Variants in ARHGAP26 observed in about 807,000 individuals in gnomAD.
The protein encoded by ARHGAP26 is rho GTPase-activating protein 26.
A neutral mutation model predicts 104.8 loss-of-function variants in ARHGAP26; 38 were observed. The observed-to-expected ratio is 0.36, with a 90% CI of 0.28 to 0.48. The LOEUF (loss-of-function observed/expected upper bound fraction) is 0.48. ARHGAP26 is among the 20% of genes least tolerant of loss of function. The pLI is 0.99. For missense variants in ARHGAP26, 704 were observed against 947.9 expected (o/e 0.74, Z 3.38); for synonymous variants, 341 against 340.0 (o/e 1.00, Z -0.03).
intron 10 of ARHGAP26, among the ~76,000 whole-genome samples, chr5:142,925,683 T>A (rs757941125): frequency 1.3e-5 from 2 of 152,202 alleles, no homozygotes; most frequent in Non-Finnish European, 2.9e-5. Context: ...CCATTCCTTA[T>A]CATTCCCCTT....
At chr5:143,014,287 A>G (rs944121847) in intron 12 of ARHGAP26, 171 bp downstream of exon 12, 1 of 670,516 alleles carries the variant, frequency 1.5e-6, no homozygotes, top group Non-Finnish European at 2.6e-6. Context: ...GTGACTCCAG[A>G]GGGACGGTAA....
chr5:143,002,906 A>G (rs1408455654), intron 11 of ARHGAP26, among the ~76,000 whole-genome samples: 1 of 152,196 alleles, frequency 6.6e-6, no homozygotes, highest in Non-Finnish European at 1.5e-5. Context: ...TACCCAAAAT[A>G]CAGTAGTTCC....
At chr5:143,140,668 G>A (rs551533843) in intron 19 of ARHGAP26, among the ~76,000 whole-genome samples, 27 of 152,014 alleles carry the variant, frequency 1.8e-4, no homozygotes, top group African/African-American at 5.3e-4. Context: ...GATTCCCCCC[G>A]GCCCCTGAGA....
intron 1 of ARHGAP26, among the ~76,000 whole-genome samples, chr5:142,858,612 T>G (rs1461704749): frequency 6.6e-6 from 1 of 152,200 alleles, no homozygotes; most frequent in Non-Finnish European, 1.5e-5. Context: ...TTTAGAAACA[T>G]TATTGGGGGC....
In ARHGAP26 at chr5:143,056,084, C is replaced by G. The variant is rs1562340713; in HGVS notation, c.1430C>G (p.Ala477Gly). ...TTTCAAAGAAGTTTCATCAAAGCAG[C>G]AAGTAAGTCTTTTTTGTCTCAGTTT... Reference protein sequence around the residue: ...YQFQRSFIKAAKLENQESRVS... With the variant: ...YQFQRSFIKAGKLENQESRVS... Residue 477 changes from alanine (A) to glycine (G), a missense_variant and splice_region_variant, in exon 16 of 23, where the codon GCA (alanine) becomes GGA (glycine). Transcript: ENST00000645722. The G allele has an allele frequency of 6.2e-7, 1 of 1,612,468 alleles. No individual in the cohort carries two copies. The highest frequency in any genetic ancestry group is 8.5e-7 in the Non-Finnish European group (1 of 1,178,920).
intron 20 of ARHGAP26, among the ~76,000 whole-genome samples, chr5:143,155,465 C>T (rs1471805763): frequency 1.3e-5 from 2 of 152,196 alleles, no homozygotes; most frequent in Non-Finnish European, 2.9e-5. Context: ...GAAATTCCTG[C>T]CTTCATCCAA....
chr5:142,947,415 C>T (rs1034445842), intron 11 of ARHGAP26, among the ~76,000 whole-genome samples: 1 of 152,182 alleles, frequency 6.6e-6, no homozygotes, highest in African/African-American at 2.4e-5. Context: ...TGAATGTCAT[C>T]TTTCTCCTAC....
At chr5:142,918,811 T>G (rs557106385) in intron 10 of ARHGAP26, among the ~76,000 whole-genome samples, 1 of 152,196 alleles carries the variant, frequency 6.6e-6, no homozygotes, top group Non-Finnish European at 1.5e-5. Context: ...TAGTAGAAAT[T>G]CTTTGTATTT....
chr5:143,087,633 A>ATTTTT (rs1292744774), intron 17 of ARHGAP26, among the ~76,000 whole-genome samples: 103 of 19,188 alleles, frequency 5.4e-3, no homozygotes, highest in Non-Finnish European at 0.011. Context: ...ACCCTGGCCC[A>ATTTTT]TTCTTTTTTT....
intron 11 of ARHGAP26, chr5:142,946,942 G>T (rs1054718615): frequency 6.6e-6 from 1 of 152,064 alleles, no homozygotes; most frequent in African/African-American, 2.4e-5. Flanking sequence ...TAGTGCAAAC[G>T]TGCGGTCTAG....
At chr5:142,816,946 C>T (rs143175748) in intron 1 of ARHGAP26, among the ~76,000 whole-genome samples, 1 of 152,044 alleles carries the variant, frequency 6.6e-6, no homozygotes, top group African/African-American at 2.4e-5. Flanking sequence ...AGAGGGCTTA[C>T]GGAGAAACCT....
chr5:142,953,175 G>A (rs780371257), intron 11 of ARHGAP26, among the ~76,000 whole-genome samples: 10 of 152,068 alleles, frequency 6.6e-5, no homozygotes, highest in East Asian at 1.9e-4. Context: ...TCCCACTACC[G>A]CTCTCATTCT....
In ARHGAP26 at chr5:142,770,807, C is replaced by A; in HGVS notation, c.46C>A (p.Pro16Thr). ...LEFSDCCLDS[P>T]HFRETLKSHE... ...GTTCAGCGACTGCTGCCTCGATAGT[C>A]CGCACTTCCGAGAGACGCTCAAGTC... is the stretch of plus-strand genomic sequence containing the variant. Residue 16 changes from proline (P) to threonine (T), a missense_variant, in exon 1 of 23, where the codon CCG (proline) becomes ACG (threonine). By Grantham distance (38) the Pro-to-Thr change is conservative. Around this residue, in one of 6 missense-constraint regions of ARHGAP26, gnomAD observed 77 missense variants for 82.6 expected, o/e 0.93. Transcript: ENST00000645722. 1 of 1,604,266 alleles carries A rather than the reference C, an allele frequency of 6.2e-7. No individual in the cohort carries two copies. The highest frequency in any genetic ancestry group is 1.1e-5 in the South Asian group (1 of 90,288).
intron 11 of ARHGAP26, among the ~76,000 whole-genome samples, chr5:142,996,113 C>G (rs905053478): frequency 3.2e-4 from 49 of 152,134 alleles, no homozygotes; most frequent in African/African-American, 1.0e-3. Context: ...ACGGGTGCAG[C>G]AAACCGACAT....
At chr5:142,903,282 T>A (rs1380970659) in intron 7 of ARHGAP26, among the ~76,000 whole-genome samples, 1 of 152,184 alleles carries the variant, frequency 6.6e-6, no homozygotes, top group African/African-American at 2.4e-5. Context: ...GCTGAATTGA[T>A]CTGTAGGAGT....
At chr5:143,011,497 A>G (rs958100632) in intron 11 of ARHGAP26, among the ~76,000 whole-genome samples, 2 of 152,152 alleles carry the variant, frequency 1.3e-5, no homozygotes, top group African/African-American at 4.8e-5. Flanking sequence ...CACAGTAAAT[A>G]TTTGTTAAAT....
chr5:142,823,396 GT>G lies in ARHGAP26; in HGVS notation c.155-49995del, dbSNP rs564232768. Among the ~76,000 whole-genome samples, 240 of 151,420 alleles carry G rather than the reference GT, an allele frequency of 1.6e-3. 4 individuals are homozygous for G. Among genetic ancestry groups the G allele is most frequent in the East Asian group, 0.012 (62 of 5,160 alleles). ...CATTCAGTGTGCCCCTCCCTTCTGTGTTTTTTTTTCTTTCTCTTCTTCCCTG... is the reference window on the plus strand; with the variant it reads ...CATTCAGTGTGCCCCTCCCTTCTGTGTTTTTTTTCTTTCTCTTCTTCCCTG... On this transcript the variant is annotated intron_variant, in intron 1 of 22. Transcript: ENST00000645722.
chr5:143,102,999 AG>A (rs1793473986), intron 17 of ARHGAP26, among the ~76,000 whole-genome samples: 1 of 152,140 alleles, frequency 6.6e-6, no homozygotes, highest in Admixed American at 6.5e-5. Context: ...CCAGCTTCAC[AG>A]GGGGGATCTG....
chr5:143,070,713 C>T (rs536694054), intron 17 of ARHGAP26, among the ~76,000 whole-genome samples: 12 of 152,056 alleles, frequency 7.9e-5, no homozygotes, highest in Non-Finnish European at 1.5e-4. Context: ...AGTTCCAGAC[C>T]GGCCTGGCTA....
Sources: gnomAD v4.1 joint callset for allele counts (sites outside exome capture counted in the v4.1 genomes callset) on GRCh38, gnomAD v4.1.1 for gene constraint, gnomAD v4.1.1 regional missense constraint, MANE v1.5 for transcripts, NCBI Gene and HGNC (gene_info 2026-07-23, HGNC 2026-07-21) for gene names.